The following CLCF1 variants were observed in gnomAD, a reference collection of about 807,000 sequenced individuals.
CLCF1 encodes the protein cardiotrophin-like cytokine factor 1.
In CLCF1, 10 loss-of-function variants were observed where a neutral mutation model predicts 21.2. The ratio of observed to expected loss-of-function variants is 0.47; its 90% confidence interval spans 0.29 to 0.80. The LOEUF is 0.80. CLCF1 is among the 30% of genes least tolerant of loss of function. The probability of loss-of-function intolerance (pLI) is 0.09; values close to 1 mark genes in which losing one functional copy is unlikely to be tolerated. For synonymous variants in CLCF1, 115 were observed against 120.5 expected (o/e 0.95, Z 0.30); for missense variants, 240 against 293.4 (o/e 0.82, Z 1.33).
At chr11:67,368,099 A>G (rs961222638) in intron 1 of CLCF1, 1 of 985,386 alleles carries the variant, frequency 1.0e-6, no homozygotes. Flanking sequence ...GGCTGAGCAC[A>G]GTCAGCCCTA....
intron 1 of CLCF1, chr11:67,370,541 C>CCCCCCACCCCCTTTCCTGG: frequency 3.7e-5 from 35 of 958,316 alleles, no homozygotes; most frequent in Non-Finnish European, 4.1e-5. Flanking sequence ...CCTGCAACAG[C>CCCCCCACCCCCTTTCCTGG]CCCCCACCCC....
Position 67,365,131 on chromosome 11 carries a change from A to T in CLCF1, c.*5T>A. 6.2e-7 allele frequency: 1 copy of T among 1,613,742 alleles called. No individual in the cohort carries two copies. The highest frequency in any genetic ancestry group is 8.5e-7 in the Non-Finnish European group (1 of 1,180,026). Reference sequence around the variant, plus strand: ...AAGGGGGAGCGAAGAGGAGAAGGTCAGAAGTCAGAAGCCATGAGCCCCCAG... The same window carrying T: ...AAGGGGGAGCGAAGAGGAGAAGGTCTGAAGTCAGAAGCCATGAGCCCCCAG... On this transcript the variant is annotated 3_prime_UTR_variant, in exon 3 of 3. Coordinates refer to ENST00000312438, the MANE Select transcript of CLCF1 (RefSeq NM_013246.3). The surrounding 1 kb of genome is among the most constrained non-coding windows in gnomAD (Gnocchi z 5.0).
At chr11:67,366,919 C>A (rs764496724) in intron 2 of CLCF1, among the ~76,000 whole-genome samples, 1 of 152,128 alleles carries the variant, frequency 6.6e-6, no homozygotes, top group East Asian at 1.9e-4. Flanking sequence ...TACAGCATAA[C>A]CTCCATCCAC....
chr11:67,368,912 C>CAT, intron 1 of CLCF1: 2 of 684,056 alleles, frequency 2.9e-6, no homozygotes, highest in Non-Finnish European at 3.4e-6. Flanking sequence ...TTTTTTTTTC[C>CAT]TTTTTTTTTT....
chr11:67,364,954 G>C lies in CLCF1; in HGVS notation c.*182C>G, dbSNP rs72932728. On this transcript the variant is annotated 3_prime_UTR_variant, in exon 3 of 3. Transcript: ENST00000312438. The stretch of plus-strand genomic sequence containing the variant: ...GCCTACTGTACCTCCTCCCCAGCTC[G>C]GTAGACCTTTGGGAGGTGGGGAGGA... 4 of 926,298 alleles carry C rather than the reference G, an allele frequency of 4.3e-6. No homozygotes were observed. The highest frequency in any genetic ancestry group is 2.6e-5 in the Admixed American group (1 of 39,158). 57.4% of individuals were successfully genotyped at this position (926,298 alleles called of 1,614,324 possible). A position where few individuals can be genotyped will look rare whatever the true frequency, so the allele number is the denominator to read the frequency against.
In CLCF1 at chr11:67,365,085, A is replaced by T. The variant is rs1279460190; in HGVS notation, c.*51T>A. On this transcript the variant is annotated 3_prime_UTR_variant, in exon 3 of 3. Coordinates refer to ENST00000312438, the MANE Select transcript of CLCF1 (RefSeq NM_013246.3). This position sits in a 1 kb window ranked among gnomAD's most constrained non-coding sequence, Gnocchi z 5.0. ...GTGTTGGCATACAGGGCTGGCTCTCACAAAGTGGGAGCAGGGTTTGAAGGG... is the reference window on the plus strand; with the variant it reads ...GTGTTGGCATACAGGGCTGGCTCTCTCAAAGTGGGAGCAGGGTTTGAAGGG... The T allele has an allele frequency of 6.2e-7, 1 of 1,610,980 alleles. No homozygotes were observed. The highest frequency in any genetic ancestry group is 8.5e-7 in the Non-Finnish European group (1 of 1,179,896).
In CLCF1 at chr11:67,372,076, G is replaced by A. The variant is rs1366551431; in HGVS notation, c.16+1448C>T. Among the ~76,000 whole-genome samples the A allele has an allele frequency of 1.3e-5, 2 of 152,122 alleles. No individual in the cohort carries two copies. The highest frequency in any genetic ancestry group is 4.1e-4 in the South Asian group (2 of 4,836). ...GGGAATATGTACTCGCATCCTGTCCGGTGTGAGGGGCAACGTGTGCTCCCG... is the reference window on the plus strand; with the variant it reads ...GGGAATATGTACTCGCATCCTGTCCAGTGTGAGGGGCAACGTGTGCTCCCG... On this transcript the variant is annotated intron_variant, in intron 1 of 2. Coordinates refer to ENST00000312438, the MANE Select transcript of CLCF1 (RefSeq NM_013246.3). The surrounding 1 kb of genome is among the most constrained non-coding windows in gnomAD (Gnocchi z 5.9).
chr11:67,368,953 A>AC (rs1388497969), intron 1 of CLCF1: 1 of 758,804 alleles, frequency 1.3e-6, no homozygotes, highest in Non-Finnish European at 1.5e-6. Context: ...TCTTTCCACC[A>AC]CCCCTATAGT....
chr11:67,369,049 C>A, intron 1 of CLCF1: 1 of 983,606 alleles, frequency 1.0e-6, no homozygotes, highest in African/African-American at 1.8e-5. Flanking sequence ...AACGCTTTGC[C>A]CATGGTTAGG....
chr11:67,373,535 T>C lies in CLCF1; in HGVS notation c.5A>G (p.Asp2Gly). 1 of 1,426,710 alleles carries C rather than the reference T, an allele frequency of 7.0e-7. No homozygotes were observed. 88.4% of individuals were successfully genotyped at this position (1,426,710 alleles called of 1,614,324 possible). The change falls in exon 1 of 3, where the codon GAC becomes GGC. Residue 2 changes from aspartate to glycine, a missense_variant. By Grantham distance (94) the Asp-to-Gly change is moderately conservative. Coordinates refer to ENST00000312438, the MANE Select transcript of CLCF1 (RefSeq NM_013246.3). Reference sequence around the variant, plus strand: ...CGCCTGGCTCCTACCTGCTCGGAGGTCCATGGGGCTGGGGCCGGGCCGGCC... The same window carrying C: ...CGCCTGGCTCCTACCTGCTCGGAGGCCCATGGGGCTGGGGCCGGGCCGGCC... M[D>G]LRAGDSWGML... is the part of the protein sequence containing the mutation.
At chr11:67,373,327 C>T (rs976089458) in intron 1 of CLCF1, among the ~76,000 whole-genome samples, 197 bp downstream of exon 1, 1 of 151,984 alleles carries the variant, frequency 6.6e-6, no homozygotes, top group Non-Finnish European at 1.5e-5. Context: ...CCTCCTGGCC[C>T]CGCCGTGCGG....
Position 67,368,912 on chromosome 11 carries a change from CTTTTT to C in CLCF1, c.17-1291_17-1287del, listed in dbSNP as rs10666079. On this transcript the variant is annotated intron_variant, in intron 1 of 2. Coordinates refer to ENST00000312438, the MANE Select transcript of CLCF1 (RefSeq NM_013246.3). ...TCTTTCCTATAGTTCTTTTTTTTTC[CTTTTT>C]TTTTTTTTTTTTTGCTGCCACCTTC... 0.015 allele frequency: 10,312 copies of C among 684,904 alleles called. 474 individuals are homozygous for C. In the Admixed American group the frequency reaches 0.25, roughly 17 times the overall value. The allele number at this position is 684,904 out of a possible 1,614,324, so 42.4% of individuals were successfully genotyped here.
In CLCF1 at chr11:67,372,729, G is replaced by A. The variant is rs1375961278; in HGVS notation, c.16+795C>T. Among the ~76,000 whole-genome samples the A allele has an allele frequency of 1.3e-5, 2 of 149,872 alleles. No homozygotes were observed. Among genetic ancestry groups the A allele is most frequent in the East Asian group, 2.0e-4 (1 of 5,022 alleles). The stretch of plus-strand genomic sequence containing the variant: ...CCCCTCCTGCCCGGGCTGAGCGGCT[G>A]CTCCCGCCGCTCCCTGGCCAGTGAC... On this transcript the variant is annotated intron_variant, in intron 1 of 2. Transcript: ENST00000312438. The surrounding 1 kb of genome is among the most constrained non-coding windows in gnomAD (Gnocchi z 5.9).
At position 67,365,271 on chromosome 11, in the gene CLCF1, C is replaced by T; in HGVS notation, c.543G>A (p.Lys181=). Residue 181 remains lysine, a synonymous_variant, in exon 3 of 3, where the codon AAG becomes AAA. Transcript: ENST00000312438. The surrounding 1 kb of genome is among the most constrained non-coding windows in gnomAD (Gnocchi z 5.0). ...CCTTCAGCAGCCAGAAGTCGTCCAT[C>T]TTCTGGAGGAAGTCACTGTGGGCAG... ...PGPAHSDFLQ[K]MDDFWLLKEL... The T allele has an allele frequency of 1.2e-6, 2 of 1,613,992 alleles. No homozygotes were observed. The highest frequency in any genetic ancestry group is 2.2e-5 in the South Asian group (2 of 91,092).
At chr11:67,373,751 C>A, upstream of CLCF1, 1 of 1,014,596 alleles carries the variant, frequency 9.9e-7, no homozygotes, top group Non-Finnish European at 1.2e-6. Flanking sequence ...GCTGTAACCA[C>A]AAATTGTAGC....
At chr11:67,367,695 T>A (rs982545383) in intron 1 of CLCF1, 69 bp from the exon 2 acceptor site, 25 of 1,563,406 alleles carry the variant, frequency 1.6e-5, no homozygotes, top group Non-Finnish European at 2.1e-5. Context: ...TGGCAGCCCC[T>A]CAGGTGTCTG....
chr11:67,366,014 G>A (rs147689011), intron 2 of CLCF1, among the ~76,000 whole-genome samples: 68 of 152,340 alleles, frequency 4.5e-4, no homozygotes, highest in Non-Finnish European at 7.6e-4. Context: ...GCCCAGGAGA[G>A]TGCAGAGACC....
chr11:67,370,743 G>A, intron 1 of CLCF1: 1 of 985,430 alleles, frequency 1.0e-6, no homozygotes, highest in Non-Finnish European at 1.2e-6. Flanking sequence ...TCAGTCCCTG[G>A]CCTGGACACC....
chr11:67,372,716 G>C lies in CLCF1; in HGVS notation c.16+808C>G, dbSNP rs1302244482. The stretch of plus-strand genomic sequence containing the variant: ...CCGCGCGTCAACTCCCCTCCTGCCC[G>C]GGCTGAGCGGCTGCTCCCGCCGCTC... On this transcript the variant is annotated intron_variant, in intron 1 of 2. Transcript: ENST00000312438. The surrounding 1 kb of genome is among the most constrained non-coding windows in gnomAD (Gnocchi z 5.9). Among the ~76,000 whole-genome samples, 1 of 149,782 alleles carries C rather than the reference G, an allele frequency of 6.7e-6. No homozygotes were observed. The highest frequency in any genetic ancestry group is 6.6e-5 in the Admixed American group (1 of 15,128).
Sources: allele counts gnomAD v4.1 joint callset (sites outside exome capture counted in the v4.1 genomes callset), GRCh38; gene constraint gnomAD v4.1.1; non-coding constraint Gnocchi (gnomAD v3.1); transcripts MANE v1.5; gene names NCBI Gene and HGNC (gene_info 2026-07-23, HGNC 2026-07-21).